The following PRSS48 variants were observed in gnomAD, a reference collection of about 807,000 sequenced individuals.
The protein encoded by PRSS48 is serine protease 48.
In PRSS48, 21 loss-of-function variants were observed where a neutral mutation model predicts 25.6. The ratio of observed to expected loss-of-function variants is 0.82; its 90% CI spans 0.58 to 1.18. The LOEUF is 1.18. Among genes scored for constraint, PRSS48 ranks in the 50% most tolerant of loss-of-function variants. PRSS48 has a pLI of 0.00. For synonymous variants in PRSS48, 150 were observed against 149.3 expected (o/e 1.00, Z -0.04); for missense variants, 373 against 399.3 (o/e 0.93, Z 0.56).
At chr4:151,285,054 T>G (rs1382276539) in intron 4 of PRSS48, among the ~76,000 whole-genome samples, 1 of 152,204 alleles carries the variant, frequency 6.6e-6, no homozygotes, top group Non-Finnish European at 1.5e-5. Flanking sequence ...CCAGCCACTA[T>G]GCATGATAAT....
In PRSS48 at chr4:151,291,402, C is replaced by T. The variant is rs766867911; in HGVS notation, c.936C>T (p.Cys312=). 3.7e-6 allele frequency: 6 copies of T among 1,613,832 alleles called. No individual in the cohort carries two copies. The African/African-American group carries it at 8.0e-5, about 22-fold the overall frequency. Residue 312 remains cysteine (C), a synonymous_variant, in exon 5 of 5, where the codon TGC becomes TGT. Coordinates refer to ENST00000455694, the Ensembl canonical transcript of PRSS48. ...GCACTGTAGCTGAAGCTGTTGCTTG[C>T]ATACAGGGCTGGGAAGAGAATGCAT...
intron 2 of PRSS48, among the ~76,000 whole-genome samples, chr4:151,280,216 T>C (rs967324807): frequency 3.1e-5 from 4 of 129,202 alleles, no homozygotes; most frequent in Non-Finnish European, 7.5e-5. Context: ...CAGGAGATTT[T>C]TGTCGTGTTT....
chr4:151,286,784 A>T (rs192850939), intron 4 of PRSS48, among the ~76,000 whole-genome samples: 160 of 151,816 alleles, frequency 1.1e-3, no homozygotes, highest in African/African-American at 3.8e-3. Flanking sequence ...GTTCGAGACG[A>T]GCCTAGCAAA....
rs73861150 is a variant in PRSS48 at position 151,281,744 on chromosome 4, T to C, written c.216-404T>C. The stretch of plus-strand genomic sequence containing the variant: ...CTGGCATTTTAACTGTGTATATGTG[T>C]AACTGTGGTTATATTTTGCTTTAAA... On this transcript the variant is annotated intron_variant, in intron 2 of 4. Transcript: ENST00000455694. Among the ~76,000 whole-genome samples, 1,249 of 152,268 alleles carry C rather than the reference T, an allele frequency of 8.2e-3. 16 individuals carry two copies. The highest frequency in any genetic ancestry group is 0.028 in the African/African-American group (1,159 of 41,548).
At chr4:151,285,465 C>T (rs576495389) in intron 4 of PRSS48, among the ~76,000 whole-genome samples, 2 of 151,994 alleles carry the variant, frequency 1.3e-5, no homozygotes, top group Non-Finnish European at 2.9e-5. Context: ...TGGAAATTCA[C>T]AAATATGTGG....
At chr4:151,287,655 G>A (rs1774941701) in intron 4 of PRSS48, among the ~76,000 whole-genome samples, 1 of 152,198 alleles carries the variant, frequency 6.6e-6, no homozygotes, top group Admixed American at 6.5e-5. Context: ...AGCACTTTGA[G>A]AGGCCAAGAC....
At chr4:151,289,183 A>G (rs541075730) in intron 4 of PRSS48, among the ~76,000 whole-genome samples, 1 of 152,358 alleles carries the variant, frequency 6.6e-6, no homozygotes, top group South Asian at 2.1e-4. Flanking sequence ...AGACAACCAC[A>G]TGCAAAAGAA....
chr4:151,288,511 C>T (rs1775032597), intron 4 of PRSS48, among the ~76,000 whole-genome samples: 1 of 152,056 alleles, frequency 6.6e-6, no homozygotes, highest in African/African-American at 2.4e-5. Context: ...CTTTGGGAGG[C>T]CAAGGCAGGT....
At chr4:151,288,782 G>C (rs1289735961) in intron 4 of PRSS48, among the ~76,000 whole-genome samples, 4 of 152,080 alleles carry the variant, frequency 2.6e-5, no homozygotes, top group African/African-American at 9.7e-5. Context: ...GTTTTAAAAA[G>C]AATAAAATAG....
At chr4:151,278,327 G>A (rs946956647) in intron 1 of PRSS48, among the ~76,000 whole-genome samples, 16 of 151,644 alleles carry the variant, frequency 1.1e-4, no homozygotes, top group African/African-American at 3.9e-4. Context: ...AGAGTGCAGT[G>A]GTGCAATCAT....
exon 3 of PRSS48, chr4:151,282,407 A>G: frequency 6.2e-7 from 1 of 1,613,756 alleles, no homozygotes; most frequent in Non-Finnish European, 8.5e-7. Context: ...AGTTAAGGAA[A>G]GTTCAGGTGA....
At chr4:151,290,422 A>T (rs1775207311) in intron 4 of PRSS48, among the ~76,000 whole-genome samples, 1 of 152,166 alleles carries the variant, frequency 6.6e-6, no homozygotes, top group Non-Finnish European at 1.5e-5. Context: ...TGCTAACTGA[A>T]ACATGCCAGA....
At chr4:151,278,912 C>T (rs776269835) in intron 1 of PRSS48, 2 of 174,474 alleles carry the variant, frequency 1.1e-5, no homozygotes, top group East Asian at 1.7e-4. Context: ...GGGTTATAGG[C>T]GTGAGTCACT....
intron 4 of PRSS48, among the ~76,000 whole-genome samples, chr4:151,287,782 C>T (rs1055770228): frequency 3.3e-5 from 5 of 152,054 alleles, no homozygotes; most frequent in African/African-American, 1.2e-4. Context: ...CGGTAGGCTG[C>T]GGTGGGATGA....
intron 4 of PRSS48, among the ~76,000 whole-genome samples, chr4:151,288,699 C>A (rs1344136445): frequency 6.6e-6 from 1 of 151,736 alleles, no homozygotes; most frequent in Non-Finnish European, 1.5e-5. Context: ...AAGAAAAAAG[C>A]AACTGTATTT....
intron 1 of PRSS48, 115 bp downstream of exon 1, chr4:151,277,339 C>A: frequency 2.6e-6 from 2 of 765,008 alleles, no homozygotes; most frequent in Non-Finnish European, 3.7e-6. Context: ...GTAGCACAGC[C>A]TGAGAAGGTC....
chr4:151,291,300 G>C (rs1375505783), exon 5 of PRSS48: 4 of 1,613,834 alleles, frequency 2.5e-6, no homozygotes, highest in Non-Finnish European at 3.4e-6. Flanking sequence ...CTGACTTCTT[G>C]TTCCCTATTG....
At chr4:151,290,685 T>G (rs985365749) in intron 4 of PRSS48, among the ~76,000 whole-genome samples, 2 of 152,130 alleles carry the variant, frequency 1.3e-5, no homozygotes, top group Non-Finnish European at 2.9e-5. Context: ...TATATGACAG[T>G]AAAGCTGTTA....
At chr4:151,289,958 A>T (rs1775161980) in intron 4 of PRSS48, among the ~76,000 whole-genome samples, 1 of 152,150 alleles carries the variant, frequency 6.6e-6, no homozygotes, top group Non-Finnish European at 1.5e-5. Context: ...TCACAGCAGC[A>T]TGATTATTAT....
Sources: gnomAD v4.1 joint callset for allele counts (sites outside exome capture counted in the v4.1 genomes callset) on GRCh38, gnomAD v4.1.1 for gene constraint, MANE v1.5 for transcripts, NCBI Gene and HGNC (gene_info 2026-07-23, HGNC 2026-07-21) for gene names.